The following RERGL variants were observed in gnomAD, a reference collection of about 807,000 sequenced individuals.
RERGL encodes RERG like, also known as ras-related and estrogen-regulated growth inhibitor-like protein.
Under a neutral mutation model 24.7 loss-of-function variants are expected in RERGL, and 22 were observed. That is an observed-to-expected ratio of 0.89 (90% CI 0.64 to 1.27). The LOEUF (loss-of-function observed/expected upper bound fraction) is 1.27, where lower values mean the gene tolerates loss of function less well. RERGL is among the 50% of genes most tolerant of loss of function. The probability of loss-of-function intolerance (pLI) is 0.00; values close to 1 mark genes in which losing one functional copy is unlikely to be tolerated. For synonymous variants in RERGL, 76 were observed against 82.6 expected, an observed-to-expected ratio of 0.92 and a Z score of 0.43; for missense variants, 259 against 235.3, an observed-to-expected ratio of 1.10 and a Z score of -0.66.
Position 18,090,170 on chromosome 12 carries a change from T to A in RERGL, c.-30A>T. ...CTTTTCTGCTTCTTGGTCAGTCCTATTTTCTGGAACTACACTGCCCTGTGA... is the reference window on the plus strand; with the variant it reads ...CTTTTCTGCTTCTTGGTCAGTCCTAATTTCTGGAACTACACTGCCCTGTGA... On this transcript the variant is annotated 5_prime_UTR_variant, in exon 1 of 5. Coordinates refer to ENST00000538724, the MANE Select transcript of RERGL (RefSeq NM_001286201.2). 6.6e-7 allele frequency: 1 copy of A among 1,523,320 alleles called. No homozygotes were observed. The highest frequency in any genetic ancestry group is 1.4e-5 in the African/African-American group (1 of 72,488). The allele number at this position is 1,523,320 out of a possible 1,614,324, so 94.4% of individuals were successfully genotyped here. A position where few individuals can be genotyped will look rare whatever the true frequency, so the allele number is the denominator to read the frequency against.
At chr12:18,082,522 C>T (rs1028885471) in intron 4 of RERGL, among the ~76,000 whole-genome samples, 2 of 152,150 alleles carry the variant, frequency 1.3e-5, no homozygotes, top group South Asian at 4.1e-4. Context: ...CCTCCTCACA[C>T]AGAATTCTCA....
chr12:18,084,522 A>T lies in RERGL; in HGVS notation c.327T>A (p.Cys109Ter). 1 of 1,603,460 alleles carries T rather than the reference A, an allele frequency of 6.2e-7. No homozygotes were observed. Among genetic ancestry groups the T allele is most frequent in the Non-Finnish European group, 8.5e-7 (1 of 1,176,890 alleles). Residue 109 changes from cysteine to a stop codon, truncating the protein, a stop_gained, in exon 4 of 5, where the codon TGT becomes TGA. Transcript: ENST00000538724. LOFTEE classifies it high-confidence loss of function. ...YRIREPQTSH[C>*]KRAVESAVFL... ...AGGAATGAAAAATACCTTACCTTTT[A>T]CAATGACTAGTTTGTGGCTCCCGGA...
intron 3 of RERGL, among the ~76,000 whole-genome samples, chr12:18,085,397 T>C (rs185840114): frequency 2.6e-4 from 40 of 152,316 alleles, no homozygotes; most frequent in African/African-American, 8.7e-4. Context: ...ATATTTGTGA[T>C]ATGATCATTT....
At position 18,090,144 on chromosome 12, in the gene RERGL, G is replaced by A; in HGVS notation, c.-4C>T. On this transcript the variant is annotated 5_prime_UTR_variant, in exon 1 of 5. Transcript: ENST00000538724. ...CAGCAAGCTTCACATCATTCATCTT[G>A]CTTTTCTGCTTCTTGGTCAGTCCTA... 2 of 1,530,628 alleles carry A rather than the reference G, an allele frequency of 1.3e-6. No homozygotes were observed. The highest frequency in any genetic ancestry group is 1.7e-6 in the Non-Finnish European group (2 of 1,144,722). 94.8% of individuals were successfully genotyped at this position (1,530,628 alleles called of 1,614,324 possible). A position where few individuals can be genotyped will look rare whatever the true frequency, so the allele number is the denominator to read the frequency against.
rs531989780 is a variant in RERGL, at chr12:18,081,532, A to T, written c.333-59T>A. The T allele has an allele frequency of 5.8e-6, 8 of 1,377,456 alleles. No individual in the cohort carries two copies. The African/African-American group carries it at 1.2e-4, about 20-fold the overall frequency. The allele number at this position is 1,377,456 out of a possible 1,614,324, so 85.3% of individuals were successfully genotyped here. ...GTTTTAACAACTCTTTTTTTTAAAA[A>T]AAAAAAAAAAACAGATTTATAACCA... On this transcript the variant is annotated intron_variant, in intron 4 of 4. Transcript: ENST00000538724.
intron 1 of RERGL, chr12:18,089,335 T>C (rs767751005): frequency 1.3e-6 from 2 of 1,527,794 alleles, no homozygotes; most frequent in Non-Finnish European, 8.8e-7. Flanking sequence ...CTATGTGTAA[T>C]AGTCACAAAG....
At chr12:18,082,143 C>CAA (rs529778796) in intron 4 of RERGL, among the ~76,000 whole-genome samples, 7,236 of 120,962 alleles carry the variant, frequency 0.06, 230 homozygotes, top group Non-Finnish European at 0.086. Flanking sequence ...TTGTCTCAAC[C>CAA]AAAAAAAAAA....
intron 4 of RERGL, among the ~76,000 whole-genome samples, chr12:18,081,862 T>C (rs1462477589): frequency 1.3e-5 from 2 of 152,162 alleles, no homozygotes; most frequent in Admixed American, 6.5e-5. Flanking sequence ...TGAGAGTGGC[T>C]GGGTGCGGTG....
chr12:18,085,698 A>C lies in RERGL; in HGVS notation c.110-5T>G. 1.3e-6 allele frequency: 2 copies of C among 1,530,056 alleles called. No homozygotes were observed. The highest frequency in any genetic ancestry group is 1.8e-6 in the Non-Finnish European group (2 of 1,110,900). 94.8% of individuals were successfully genotyped at this position (1,530,056 alleles called of 1,614,324 possible). On this transcript the variant is annotated splice_region_variant and splice_polypyrimidine_tract_variant and intron_variant, in intron 2 of 4. Transcript: ENST00000538724. ...AGTGCTTCTTATAGATAGATTCTGC[A>C]AAAATATGCATATCCACTGTCAGTA...
At chr12:18,083,700 A>G (rs1947193313) in intron 4 of RERGL, among the ~76,000 whole-genome samples, 1 of 152,166 alleles carries the variant, frequency 6.6e-6, no homozygotes, top group African/African-American at 2.4e-5. Flanking sequence ...CATTTAAAAT[A>G]GTTATTAAAA....
intron 1 of RERGL, among the ~76,000 whole-genome samples, chr12:18,089,779 GA>G (rs1947252950): frequency 6.6e-6 from 1 of 152,034 alleles, no homozygotes; most frequent in Non-Finnish European, 1.5e-5. Context: ...AAGTAGGTGG[GA>G]TAGTGATGCA....
chr12:18,086,207 T>C (rs530551028), intron 2 of RERGL, among the ~76,000 whole-genome samples: 2 of 152,100 alleles, frequency 1.3e-5, no homozygotes, highest in East Asian at 1.9e-4. Flanking sequence ...CACCACTATC[T>C]ATATTCACCT....
At position 18,086,860 on chromosome 12, in the gene RERGL, C is replaced by A. The variant is rs561219092; in HGVS notation, c.110-1167G>T. Among the ~76,000 whole-genome samples, 3 of 152,240 alleles carry A rather than the reference C, an allele frequency of 2.0e-5. 1 individual carries two copies. The highest frequency in any genetic ancestry group is 4.8e-5 in the African/African-American group (2 of 41,542). On this transcript the variant is annotated intron_variant, in intron 2 of 4. Coordinates refer to ENST00000538724, the MANE Select transcript of RERGL (RefSeq NM_001286201.2). ...TTTAGATACTTGATAGCTATCTCAA[C>A]CTTAACACACTTCAAGCTGAACCCC...
chr12:18,089,320 A>C (rs555539086), intron 1 of RERGL: 3 of 1,573,872 alleles, frequency 1.9e-6, no homozygotes, highest in Non-Finnish European at 2.6e-6. Context: ...TCTGGCTTCA[A>C]GGTACTATGT....
intron 2 of RERGL, among the ~76,000 whole-genome samples, chr12:18,087,633 T>A (rs1236805129): frequency 6.6e-6 from 1 of 152,206 alleles, no homozygotes; most frequent in Non-Finnish European, 1.5e-5. Context: ...CTTTTATTTT[T>A]CATCGAGAGG....
intron 1 of RERGL, chr12:18,089,305 C>T: frequency 6.3e-7 from 1 of 1,586,620 alleles, no homozygotes; most frequent in Non-Finnish European, 8.6e-7. Flanking sequence ...CTCTGTCAAA[C>T]TCAGTCTGGC....
chr12:18,088,987 G>C, intron 1 of RERGL, 31 bp from the exon 2 acceptor site: 1 of 1,567,380 alleles, frequency 6.4e-7, no homozygotes, highest in East Asian at 2.2e-5. Flanking sequence ...ATTTAGGGCT[G>C]TTATATTTTA....
At chr12:18,084,197 G>GA (rs1404454227) in intron 4 of RERGL, among the ~76,000 whole-genome samples, 1 of 152,132 alleles carries the variant, frequency 6.6e-6, no homozygotes, top group African/African-American at 2.4e-5. Flanking sequence ...TTGTGAGAAT[G>GA]AAAAGAAAAG....
chr12:18,085,339 T>C (rs1947209096), intron 3 of RERGL, among the ~76,000 whole-genome samples: 1 of 152,214 alleles, frequency 6.6e-6, no homozygotes, highest in Admixed American at 6.5e-5. Context: ...ACAGTGACAC[T>C]GTAACCTGAT....
Sources: gnomAD v4.1 joint callset for allele counts (sites outside exome capture counted in the v4.1 genomes callset) on GRCh38, gnomAD v4.1.1 for gene constraint, MANE v1.5 for transcripts, NCBI Gene and HGNC (gene_info 2026-07-23, HGNC 2026-07-21) for gene names.